Variants in PTPRE observed in about 807,000 individuals in gnomAD.
PTPRE encodes protein tyrosine phosphatase receptor type E, also known as receptor-type tyrosine-protein phosphatase epsilon.
In PTPRE, 51 loss-of-function variants were observed where a neutral mutation model predicts 102.0. The ratio of observed to expected loss-of-function variants is 0.50; its 90% CI spans 0.40 to 0.63. The LOEUF is 0.63. Ranked by LOEUF, PTPRE falls within the 30% of genes least tolerant of loss-of-function variation. The pLI is 0.00. For synonymous variants in PTPRE, 345 were observed against 348.2 expected, an observed-to-expected ratio of 0.99 and a Z score of 0.10; for missense variants, 752 against 915.1, an observed-to-expected ratio of 0.82 and a Z score of 2.30.
Position 128,063,070 on chromosome 10 carries a change from C to T in PTPRE, c.626-13C>T, listed in dbSNP as rs774328184. 42 of 1,613,968 alleles carry T rather than the reference C, an allele frequency of 2.6e-5. No individual in the cohort carries two copies. The highest frequency in any genetic ancestry group is 3.1e-5 in the Non-Finnish European group (36 of 1,179,978). On this transcript the variant is annotated splice_polypyrimidine_tract_variant and intron_variant, in intron 9 of 20. Transcript: ENST00000254667. ...TCATGCCTTTTGACTTCGAAATTGT[C>T]CTCTACACACAGGTCCCAAACAGGA...
intron 2 of PTPRE, among the ~76,000 whole-genome samples, chr10:128,010,843 G>A (rs1195225038): frequency 1.3e-5 from 2 of 151,938 alleles, no homozygotes; most frequent in East Asian, 1.9e-4. Flanking sequence ...CACCTGCCTC[G>A]GCCTCCCAAA....
chr10:127,985,090 A>G (rs1018531410), intron 2 of PTPRE, among the ~76,000 whole-genome samples: 1 of 152,254 alleles, frequency 6.6e-6, no homozygotes, highest in African/African-American at 2.4e-5. Flanking sequence ...CACCTTGGGC[A>G]GGGCGGCTAA....
At chr10:128,048,035 G>A (rs1051123942) in intron 5 of PTPRE, among the ~76,000 whole-genome samples, 198 bp downstream of exon 5, 10 of 152,220 alleles carry the variant, frequency 6.6e-5, no homozygotes, top group African/African-American at 2.4e-4. Context: ...TCTCTCGGGT[G>A]TGACATGGAC....
chr10:127,949,671 G>T (rs1390692930), intron 1 of PTPRE, among the ~76,000 whole-genome samples: 2 of 152,160 alleles, frequency 1.3e-5, no homozygotes, highest in African/African-American at 4.8e-5. Context: ...GTGAGCTCCG[G>T]TATTCACATA....
chr10:127,944,469 C>T lies in PTPRE; in HGVS notation c.-31+37160C>T, dbSNP rs778741120. Among the ~76,000 whole-genome samples, 916 of 25,922 alleles carry T rather than the reference C, an allele frequency of 0.035. 14 individuals carry two copies. Among genetic ancestry groups the T allele is most frequent in the Non-Finnish European group, 0.029 (371 of 12,850 alleles). 17.0% of individuals were successfully genotyped at this position (25,922 alleles called of 152,430 possible). The stretch of plus-strand genomic sequence containing the variant: ...ACAGATGGATGGATACATGGACAGA[C>T]GGATGGATGGATGGATGGATGGATG... On this transcript the variant is annotated intron_variant, in intron 1 of 20. Transcript: ENST00000254667. The surrounding 1 kb of genome is among the most constrained non-coding windows in gnomAD (Gnocchi z 4.2).
intron 1 of PTPRE, among the ~76,000 whole-genome samples, chr10:127,958,263 C>T (rs572650575): frequency 6.6e-6 from 1 of 152,306 alleles, no homozygotes; most frequent in East Asian, 1.9e-4. Flanking sequence ...GACATCCTTG[C>T]CTCGTTCCTG....
intron 1 of PTPRE, among the ~76,000 whole-genome samples, chr10:127,917,258 T>C (rs922466322): frequency 6.6e-6 from 1 of 150,984 alleles, no homozygotes; most frequent in South Asian, 2.1e-4. Context: ...CGCTCCAACA[T>C]GTGGAATCCA....
At chr10:128,062,932 G>A (rs1346300520) in intron 9 of PTPRE, 151 bp from the exon 10 acceptor site, 1 of 1,386,924 alleles carries the variant, frequency 7.2e-7, no homozygotes, top group Non-Finnish European at 9.5e-7. Flanking sequence ...ACCGGTTCCG[G>A]AACGCTTCAG....
At chr10:127,987,977 T>C (rs1852244014) in intron 2 of PTPRE, among the ~76,000 whole-genome samples, 1 of 152,246 alleles carries the variant, frequency 6.6e-6, no homozygotes, top group East Asian at 1.9e-4. Context: ...TTCCTGCCTG[T>C]GCAGTTCATG....
intron 5 of PTPRE, 46 bp from the exon 6 acceptor site, chr10:128,049,484 C>A: frequency 6.2e-7 from 1 of 1,607,668 alleles, no homozygotes; most frequent in Non-Finnish European, 8.5e-7. Flanking sequence ...AGTCGCCTAT[C>A]CAGGAATGTG....
intron 1 of PTPRE, among the ~76,000 whole-genome samples, chr10:127,962,218 A>G (rs11018423): frequency 0.1 from 15,556 of 152,164 alleles, 993 homozygotes; most frequent in South Asian, 0.18. Context: ...TGCTGCCTGG[A>G]CACGTGGCTC....
At chr10:128,004,090 A>G (rs904318445) in intron 2 of PTPRE, among the ~76,000 whole-genome samples, 2 of 151,996 alleles carry the variant, frequency 1.3e-5, no homozygotes, top group African/African-American at 4.8e-5. Flanking sequence ...TAAATGGGTC[A>G]ATGATGTGAA....
rs116182477 is a variant in PTPRE, at chr10:128,046,585, C to T, written c.110-805C>T. Among the ~76,000 whole-genome samples, 1,128 of 152,140 alleles carry T rather than the reference C, an allele frequency of 7.4e-3. 10 individuals are homozygous for T. The highest frequency in any genetic ancestry group is 0.025 in the African/African-American group (1,034 of 41,482). On this transcript the variant is annotated intron_variant, in intron 3 of 20. Coordinates refer to ENST00000254667, the MANE Select transcript of PTPRE (RefSeq NM_006504.6). ...TGGAGGTGGGGGCCTTTGAGATTGT[C>T]CTCGAGGAGTGGGAACATTTTGGTG...
chr10:127,980,179 A>G (rs1225220038), intron 1 of PTPRE, among the ~76,000 whole-genome samples: 1 of 152,192 alleles, frequency 6.6e-6, no homozygotes, highest in Admixed American at 6.5e-5. Context: ...GCTCTATGTA[A>G]TACTGGGTTC....
intron 1 of PTPRE, among the ~76,000 whole-genome samples, chr10:127,976,053 AG>A (rs1333405836): frequency 6.6e-6 from 1 of 152,098 alleles, no homozygotes; most frequent in African/African-American, 2.4e-5. Flanking sequence ...TTCTTCTGCA[AG>A]GGTCTTCTCT....
intron 1 of PTPRE, among the ~76,000 whole-genome samples, chr10:127,945,465 G>T (rs1300591086): frequency 6.6e-6 from 1 of 152,198 alleles, no homozygotes; most frequent in Non-Finnish European, 1.5e-5. Flanking sequence ...CCTTTGAGGA[G>T]GCCTCTGTCT....
At chr10:128,043,344 C>G (rs528705084) in intron 3 of PTPRE, among the ~76,000 whole-genome samples, 1 of 152,228 alleles carries the variant, frequency 6.6e-6, no homozygotes, top group Non-Finnish European at 1.5e-5. Flanking sequence ...ATCAGGTTCT[C>G]TTAAGGAGCA....
At chr10:128,006,938 C>T (rs1033438173) in intron 2 of PTPRE, among the ~76,000 whole-genome samples, 2 of 152,172 alleles carry the variant, frequency 1.3e-5, no homozygotes, top group African/African-American at 4.8e-5. Flanking sequence ...TTTGATACAG[C>T]TCAAGTACAA....
At chr10:127,963,929 A>T (rs995234957) in intron 1 of PTPRE, among the ~76,000 whole-genome samples, 1 of 152,178 alleles carries the variant, frequency 6.6e-6, no homozygotes, top group South Asian at 2.1e-4. Context: ...CCTGAGATAA[A>T]AAAGATGGTT....
Sources: gnomAD v4.1 joint callset for allele counts (sites outside exome capture counted in the v4.1 genomes callset) on GRCh38, gnomAD v4.1.1 for gene constraint, Gnocchi (gnomAD v3.1) non-coding constraint, MANE v1.5 for transcripts, NCBI Gene and HGNC (gene_info 2026-07-23, HGNC 2026-07-21) for gene names.